Variants in PCYT1B observed in about 807,000 individuals in gnomAD.
PCYT1B encodes choline-phosphate cytidylyltransferase B.
In PCYT1B, 10 loss-of-function variants were observed where a neutral mutation model predicts 26.4. The ratio of observed to expected loss-of-function variants is 0.38; its 90% CI spans 0.23 to 0.64. The LOEUF (loss-of-function observed/expected upper bound fraction) is 0.64. PCYT1B is among the 30% of genes least tolerant of loss of function. The probability of loss-of-function intolerance (pLI) is 0.56; values close to 1 mark genes in which losing one functional copy is unlikely to be tolerated. For missense variants in PCYT1B, 161 were observed against 292.7 expected, an observed-to-expected ratio of 0.55 and a Z score of 3.28; for synonymous variants, 131 against 108.4, an observed-to-expected ratio of 1.21 and a Z score of -1.29.
At chrX:24,617,609 G>C (rs1223647536) in intron 2 of PCYT1B, among the ~76,000 whole-genome samples, 1 of 108,166 alleles carries the variant, frequency 9.2e-6, no homozygotes, top group Non-Finnish European at 1.9e-5. Flanking sequence ...CACCACGCCT[G>C]GCTAATTTTT....
chrX:24,611,163 G>A (rs1330014505), intron 2 of PCYT1B, among the ~76,000 whole-genome samples: 1 of 111,519 alleles, frequency 9.0e-6, no homozygotes, highest in Admixed American at 9.6e-5. Context: ...AGACAGAGGT[G>A]TGCATGGTGC....
chrX:24,617,377 T>TG (rs1569248754), intron 2 of PCYT1B, among the ~76,000 whole-genome samples: 51 of 105,710 alleles, frequency 4.8e-4, no homozygotes, highest in African/African-American at 1.8e-3. Context: ...GTTTGTTTTT[T>TG]TTTTTGTTTG....
At chrX:24,642,253 T>C (rs1326416108) in intron 1 of PCYT1B, among the ~76,000 whole-genome samples, 1 of 112,286 alleles carries the variant, frequency 8.9e-6, no homozygotes, top group African/African-American at 3.2e-5. Context: ...CTGGAAGTTG[T>C]TAACCACCTG....
At chrX:24,620,396 T>A (rs1021205296) in intron 1 of PCYT1B, among the ~76,000 whole-genome samples, 1 of 111,458 alleles carries the variant, frequency 9.0e-6, no homozygotes, top group Non-Finnish European at 1.9e-5. Flanking sequence ...TCTGGAGGCC[T>A]CCCAGTTATC....
chrX:24,587,979 C>T (rs1447451617), intron 4 of PCYT1B, among the ~76,000 whole-genome samples: 1 of 112,882 alleles, frequency 8.9e-6, no homozygotes, highest in Non-Finnish European at 1.9e-5. Flanking sequence ...TTACCACTTG[C>T]TGTCACTTTA....
chrX:24,662,051 C>T (rs1451032894), intron 1 of PCYT1B, among the ~76,000 whole-genome samples: 1 of 110,863 alleles, frequency 9.0e-6, no homozygotes, highest in Non-Finnish European at 1.9e-5. Flanking sequence ...CGCCTGTGGT[C>T]CCAGCTACTT....
At chrX:24,574,250 T>C (rs1336416484) in intron 7 of PCYT1B, among the ~76,000 whole-genome samples, 1 of 111,680 alleles carries the variant, frequency 9.0e-6, no homozygotes, top group Non-Finnish European at 1.9e-5. Context: ...ATCTCTTTCA[T>C]ACAACCCTCG....
intron 1 of PCYT1B, among the ~76,000 whole-genome samples, chrX:24,644,543 G>A (rs2148272264): frequency 9.0e-6 from 1 of 110,880 alleles, no homozygotes; most frequent in Admixed American, 9.7e-5. Flanking sequence ...TTATGAGTAT[G>A]TTATAGAAGA....
At chrX:24,654,160 T>G (rs1407420562) in intron 1 of PCYT1B, among the ~76,000 whole-genome samples, 2 of 84,066 alleles carry the variant, frequency 2.4e-5, no homozygotes, top group African/African-American at 8.9e-5. Context: ...TGGAGTGCAG[T>G]GTGGTGCAAT....
At chrX:24,650,913 T>C (rs762885339), upstream of PCYT1B, among the ~76,000 whole-genome samples, 83 of 111,970 alleles carry the variant, frequency 7.4e-4, no homozygotes, top group Non-Finnish European at 1.2e-3. Flanking sequence ...CCATATAATA[T>C]AGTATTGTAC....
At chrX:24,570,149 C>T (rs112916261) in intron 7 of PCYT1B, among the ~76,000 whole-genome samples, 15 of 96,475 alleles carry the variant, frequency 1.6e-4, no homozygotes, top group East Asian at 3.4e-4. Flanking sequence ...ATCACACCAT[C>T]GCACTCCAGC....
chrX:24,612,343 A>G (rs1925334839), intron 2 of PCYT1B, among the ~76,000 whole-genome samples: 1 of 112,902 alleles, frequency 8.9e-6, no homozygotes, highest in African/African-American at 3.2e-5. Flanking sequence ...ACATTTTTAC[A>G]AAAATGAAAA....
At chrX:24,659,441 G>T (rs1926986541) in intron 1 of PCYT1B, among the ~76,000 whole-genome samples, 1 of 111,053 alleles carries the variant, frequency 9.0e-6, no homozygotes, top group African/African-American at 3.3e-5. Context: ...TCTTCTCTGT[G>T]GGCAATGTGT....
chrX:24,583,197 C>G (rs1924260102), intron 5 of PCYT1B, among the ~76,000 whole-genome samples: 1 of 111,960 alleles, frequency 8.9e-6, no homozygotes, highest in Non-Finnish European at 1.9e-5. Flanking sequence ...TGGCTTCTGT[C>G]AAGATTGCTT....
intron 2 of PCYT1B, among the ~76,000 whole-genome samples, chrX:24,612,612 G>C (rs1925343083): frequency 8.9e-6 from 1 of 112,151 alleles, no homozygotes; most frequent in Non-Finnish European, 1.9e-5. Flanking sequence ...CACTAGAATG[G>C]CTAAAAAATG....
At chrX:24,586,266 C>T (rs776130869) in intron 5 of PCYT1B, among the ~76,000 whole-genome samples, 38 of 112,689 alleles carry the variant, frequency 3.4e-4, no homozygotes, top group African/African-American at 1.1e-3. Flanking sequence ...CAAGATGGAA[C>T]GGGCTGCCTC....
At chrX:24,661,969 G>A (rs1235324282) in intron 1 of PCYT1B, among the ~76,000 whole-genome samples, 1 of 111,474 alleles carries the variant, frequency 9.0e-6, no homozygotes, top group Non-Finnish European at 1.9e-5. Flanking sequence ...TTTGAGAACA[G>A]CCTGGGCAAC....
intron 1 of PCYT1B, among the ~76,000 whole-genome samples, chrX:24,667,192 T>A (rs1290623955): frequency 9.0e-6 from 1 of 110,706 alleles, no homozygotes; most frequent in Non-Finnish European, 1.9e-5. Context: ...CACCTGTCAA[T>A]GTTCAGAGTG....
exon 1 of PCYT1B, chrX:24,672,633 G>T: frequency 8.4e-7 from 1 of 1,194,484 alleles, no homozygotes; most frequent in Non-Finnish European, 1.1e-6. Flanking sequence ...GGCCTACCAT[G>T]CCTGCTCCTG....
Sources: allele counts gnomAD v4.1 joint callset (sites outside exome capture counted in the v4.1 genomes callset), GRCh38; gene constraint gnomAD v4.1.1; transcripts MANE v1.5; gene names NCBI Gene and HGNC (gene_info 2026-07-23, HGNC 2026-07-21).